The following CSMD1 variants were observed in gnomAD, a reference collection of about 807,000 sequenced individuals.
CSMD1 encodes the protein CUB and sushi domain-containing protein 1.
CSMD1 carries 213 observed loss-of-function variants against 417.5 expected under a neutral mutation model. The observed-to-expected ratio is 0.51, with a 90% CI of 0.46 to 0.57. The LOEUF (loss-of-function observed/expected upper bound fraction) is 0.57. Among genes scored for constraint, CSMD1 ranks in the 20% least tolerant of loss-of-function variants. The probability of loss-of-function intolerance (pLI) is 0.00; values close to 1 mark genes in which losing one functional copy is unlikely to be tolerated. For synonymous variants in CSMD1, 2,862 were observed against 1,736.8 expected, an observed-to-expected ratio of 1.65 and a Z score of -16.11; for missense variants, 6,923 against 4,529.7, an observed-to-expected ratio of 1.53 and a Z score of -15.17.
At chr8:4,344,343 C>A (rs1380917196) in intron 3 of CSMD1, among the ~76,000 whole-genome samples, 3 of 152,030 alleles carry the variant, frequency 2.0e-5, no homozygotes, top group Admixed American at 6.6e-5. Flanking sequence ...TTACATCTTT[C>A]AGGTTTGGTA....
At chr8:4,709,250 G>C (rs879709013) in intron 1 of CSMD1, among the ~76,000 whole-genome samples, 2 of 152,140 alleles carry the variant, frequency 1.3e-5, no homozygotes, top group East Asian at 1.9e-4. Flanking sequence ...GACTGGTGTG[G>C]GGAGTAGAGT....
chr8:3,835,369 C>G (rs1187418775), intron 5 of CSMD1, among the ~76,000 whole-genome samples: 1 of 152,094 alleles, frequency 6.6e-6, no homozygotes, highest in Non-Finnish European at 1.5e-5. Flanking sequence ...CCATATACAC[C>G]ATGGAATACT....
At chr8:3,339,865 A>T (rs1217298558) in intron 23 of CSMD1, among the ~76,000 whole-genome samples, 1 of 152,228 alleles carries the variant, frequency 6.6e-6, no homozygotes, top group African/African-American at 2.4e-5. Flanking sequence ...ATTATACACC[A>T]GAAGCATATT....
intron 3 of CSMD1, among the ~76,000 whole-genome samples, chr8:4,288,327 C>T (rs1390182726): frequency 6.6e-6 from 1 of 152,036 alleles, no homozygotes; most frequent in Non-Finnish European, 1.5e-5. Flanking sequence ...TGAAGGGCTC[C>T]CTTCACCCTT....
Position 3,857,821 on chromosome 8 carries a change from C to A in CSMD1, c.819-103779G>T, listed in dbSNP as rs116874892. Among the ~76,000 whole-genome samples, 547 of 152,252 alleles carry A rather than the reference C, an allele frequency of 3.6e-3. 17 individuals carry two copies. In the East Asian group the frequency reaches 0.071, roughly 20 times the overall value. On this transcript the variant is annotated intron_variant, in intron 5 of 69. Coordinates refer to ENST00000635120, the MANE Select transcript of CSMD1 (RefSeq NM_033225.6). ...AACACCAGGCCAGAGTAGAAAAGAG[C>A]TTATTCTTTTATAAAATACCTAGAG...
intron 26 of CSMD1, among the ~76,000 whole-genome samples, chr8:3,240,852 T>C (rs1025925448): frequency 6.6e-6 from 1 of 152,048 alleles, no homozygotes; most frequent in Admixed American, 6.6e-5. Context: ...CTAGAACAGG[T>C]AAAACGGGGG....
At position 3,409,614 on chromosome 8, in the gene CSMD1, G is replaced by A. The variant is rs758237286; in HGVS notation, c.1562-9C>T. 1.3e-6 allele frequency: 2 copies of A among 1,563,570 alleles called. No individual in the cohort carries two copies. The highest frequency in any genetic ancestry group is 1.2e-5 in the South Asian group (1 of 85,220). Reference sequence around the variant, plus strand: ...CCCTCCCTTTTCAATTTCTGAAAATGGAAAAACAAATGAACCCTTAAAAAA... The same window carrying A: ...CCCTCCCTTTTCAATTTCTGAAAATAGAAAAACAAATGAACCCTTAAAAAA... On this transcript the variant is annotated splice_polypyrimidine_tract_variant and intron_variant, in intron 12 of 69. Transcript: ENST00000635120.
chr8:4,287,159 G>A (rs1282508574), intron 3 of CSMD1, among the ~76,000 whole-genome samples: 4 of 152,198 alleles, frequency 2.6e-5, no homozygotes, highest in Admixed American at 2.0e-4. Flanking sequence ...TATGTGGACA[G>A]ATTCTGTGTA....
intron 3 of CSMD1, among the ~76,000 whole-genome samples, chr8:4,205,075 C>T (rs546446371): frequency 5.3e-5 from 8 of 152,268 alleles, no homozygotes; most frequent in African/African-American, 1.9e-4. Context: ...ACAGAGTTTA[C>T]TGTAAACATC....
At chr8:4,094,618 G>T (rs147301550) in intron 3 of CSMD1, among the ~76,000 whole-genome samples, 1 of 151,606 alleles carries the variant, frequency 6.6e-6, no homozygotes, top group Non-Finnish European at 1.5e-5. Context: ...GAGGAGAGGC[G>T]TGTGTCACAC....
chr8:4,375,389 G>A (rs1802667966), intron 3 of CSMD1, among the ~76,000 whole-genome samples: 2 of 152,078 alleles, frequency 1.3e-5, no homozygotes, highest in Non-Finnish European at 2.9e-5. Context: ...GGAAAACAGG[G>A]CATTATATTT....
intron 10 of CSMD1, among the ~76,000 whole-genome samples, chr8:3,565,640 G>T (rs1380427079): frequency 1.3e-5 from 2 of 152,114 alleles, no homozygotes; most frequent in African/African-American, 4.8e-5. Flanking sequence ...AATCATAAAA[G>T]AAGTTAAAGC....
intron 1 of CSMD1, among the ~76,000 whole-genome samples, chr8:4,970,680 A>G (rs1810184602): frequency 6.6e-6 from 1 of 152,124 alleles, no homozygotes; most frequent in Non-Finnish European, 1.5e-5. Flanking sequence ...TTATAAATAA[A>G]TAGCCTGACA....
intron 12 of CSMD1, among the ~76,000 whole-genome samples, chr8:3,464,355 C>A (rs1390323505): frequency 6.6e-6 from 1 of 152,130 alleles, no homozygotes; most frequent in African/African-American, 2.4e-5. Flanking sequence ...TTAACTTCCT[C>A]ATGGCTAGAA....
intron 2 of CSMD1, among the ~76,000 whole-genome samples, chr8:4,584,259 G>T (rs1034499579): frequency 6.6e-6 from 1 of 151,988 alleles, no homozygotes; most frequent in South Asian, 2.1e-4. Context: ...GACCACGAAG[G>T]GACTTTCACC....
At chr8:4,308,389 G>A (rs1174511562) in intron 3 of CSMD1, among the ~76,000 whole-genome samples, 1 of 151,794 alleles carries the variant, frequency 6.6e-6, no homozygotes, top group African/African-American at 2.4e-5. Context: ...ACAGTCTGTG[G>A]TGTATTCGTG....
intron 3 of CSMD1, among the ~76,000 whole-genome samples, chr8:4,118,332 G>T (rs1446484207): frequency 6.6e-6 from 1 of 151,652 alleles, no homozygotes; most frequent in Non-Finnish European, 1.5e-5. Flanking sequence ...CTTAAAAATA[G>T]AAGCTTTGCA....
chr8:4,040,482 C>A (rs1435693766), intron 3 of CSMD1, among the ~76,000 whole-genome samples: 2 of 152,096 alleles, frequency 1.3e-5, no homozygotes, highest in African/African-American at 2.4e-5. Flanking sequence ...TCTCTACTTG[C>A]AAGCATGACA....
chr8:3,711,866 C>T (rs767251498), intron 6 of CSMD1, among the ~76,000 whole-genome samples: 2 of 152,172 alleles, frequency 1.3e-5, no homozygotes, highest in African/African-American at 2.4e-5. Flanking sequence ...GCATAGAACT[C>T]AACGCAAATG....
Sources: allele counts gnomAD v4.1 joint callset (sites outside exome capture counted in the v4.1 genomes callset), GRCh38; gene constraint gnomAD v4.1.1; transcripts MANE v1.5; gene names NCBI Gene and HGNC (gene_info 2026-07-23, HGNC 2026-07-21).